The following CFAP418 variants were observed in gnomAD, a reference collection of about 807,000 sequenced individuals.
CFAP418 encodes the protein cilia- and flagella-associated protein 418.
CFAP418 carries 27 observed loss-of-function variants against 24.7 expected under a neutral mutation model. The ratio of observed to expected loss-of-function variants is 1.09; its 90% CI spans 0.81 to 1.51. The LOEUF is 1.51. CFAP418 is among the 40% of genes most tolerant of loss of function. The pLI, the probability that CFAP418 is intolerant of heterozygous loss-of-function variation, is 0.00. For synonymous variants in CFAP418, 74 were observed against 87.3 expected, an observed-to-expected ratio of 0.85 and a Z score of 0.85; for missense variants, 257 against 255.2, an observed-to-expected ratio of 1.01 and a Z score of -0.05.
rs1587347601 is a variant in CFAP418, at chr8:95,247,709, C to T, written c.532G>A (p.Ala178Thr). 6.2e-7 allele frequency: 1 copy of T among 1,613,844 alleles called. No homozygotes were observed. Among genetic ancestry groups the T allele is most frequent in the South Asian group, 1.1e-5 (1 of 91,024 alleles). ...AKLIKKKGTRAYACQCSWRTI... is the reference protein window; with the variant it reads ...AKLIKKKGTRTYACQCSWRTI... ...CTCCAGCTACACTGGCAGGCATATG[C>T]CCGTGTTCCTTTCTTCTTTATCAAC... Residue 178 changes from alanine to threonine, a missense_variant, in exon 6 of 6, where the codon GCA becomes ACA. Physicochemically the swap from Ala to Thr is moderately conservative, Grantham distance 58 (BLOSUM62 0). Coordinates refer to ENST00000286688, the MANE Select transcript of CFAP418 (RefSeq NM_177965.4).
intron 2 of CFAP418, among the ~76,000 whole-genome samples, chr8:95,261,251 G>C (rs1811885487): frequency 6.6e-6 from 1 of 152,174 alleles, no homozygotes; most frequent in African/African-American, 2.4e-5. Flanking sequence ...TAGTGGGTGA[G>C]GAAATTTAAT....
chr8:95,260,037 G>T, intron 3 of CFAP418, 132 bp from the exon 4 acceptor site: 1 of 640,994 alleles, frequency 1.6e-6, no homozygotes, highest in Non-Finnish European at 2.7e-6. Flanking sequence ...ATTTTCCCTA[G>T]CAAGCCAACC....
intron 1 of CFAP418, chr8:95,268,720 TGAA>T (rs1193427356): frequency 2.9e-5 from 5 of 174,504 alleles, no homozygotes; most frequent in African/African-American, 5.2e-5. Flanking sequence ...AGAAACAGGA[TGAA>T]GGAGACTGGC....
Position 95,245,978 on chromosome 8 carries a change from A to G in CFAP418, c.*1639T>C, listed in dbSNP as rs778569217. On this transcript the variant is annotated 3_prime_UTR_variant, in exon 6 of 6. Transcript: ENST00000286688. ...TAATACATTTTTATTAAAAGATAAA[A>G]TCTGTCATAATGTCTTTTTTTTTTT... 7.9e-5 allele frequency: 12 copies of G among 151,384 alleles called. No homozygotes were observed. Among genetic ancestry groups the G allele is most frequent in the Non-Finnish European group, 1.3e-4 (9 of 67,940 alleles). The allele number at this position is 151,384 out of a possible 1,614,324, so 9.4% of individuals were successfully genotyped here. A position where few individuals can be genotyped will look rare whatever the true frequency, so the allele number is the denominator to read the frequency against.
intron 2 of CFAP418, among the ~76,000 whole-genome samples, chr8:95,261,223 A>G (rs1811884563): frequency 2.0e-5 from 3 of 152,244 alleles, no homozygotes; most frequent in Admixed American, 2.0e-4. Flanking sequence ...CTATGCAGAG[A>G]CATGCCTTCA....
intron 4 of CFAP418, among the ~76,000 whole-genome samples, chr8:95,258,583 T>G (rs1362489623): frequency 2.0e-5 from 3 of 152,086 alleles, no homozygotes; most frequent in Non-Finnish European, 4.4e-5. Flanking sequence ...TAAAGACATT[T>G]AAAAGTAAAC....
At chr8:95,264,319 C>A (rs530161057) in intron 1 of CFAP418, among the ~76,000 whole-genome samples, 23 of 152,248 alleles carry the variant, frequency 1.5e-4, no homozygotes, top group Non-Finnish European at 3.1e-4. Context: ...AAAGCCATCA[C>A]TGGATTATTA....
At chr8:95,254,573 T>C (rs752995443) in intron 4 of CFAP418, among the ~76,000 whole-genome samples, 62 of 152,210 alleles carry the variant, frequency 4.1e-4, no homozygotes, top group Non-Finnish European at 1.0e-4. Context: ...AGAGCTTTGT[T>C]CTTTTGTCCA....
chr8:95,262,146 A>G (rs1587356393), intron 2 of CFAP418, among the ~76,000 whole-genome samples: 2 of 152,284 alleles, frequency 1.3e-5, no homozygotes, highest in Admixed American at 6.5e-5. Flanking sequence ...AACTTTTCAT[A>G]AGGTGGGTTC....
chr8:95,268,846 T>C (rs1042741646), intron 1 of CFAP418, 189 bp downstream of exon 1: 11 of 609,614 alleles, frequency 1.8e-5, no homozygotes, highest in Non-Finnish European at 3.1e-5. Context: ...AGTGAAGAGG[T>C]GCCAGAATCC....
chr8:95,246,032 A>T lies in CFAP418; in HGVS notation c.*1585T>A, dbSNP rs1291316141. On this transcript the variant is annotated 3_prime_UTR_variant, in exon 6 of 6. Coordinates refer to ENST00000286688, the MANE Select transcript of CFAP418 (RefSeq NM_177965.4). ...GAGACAGAGTCTCACTGTGTTGTCCAGGCTGGAGCGCAGTGGCGCGACCTT... is the reference window on the plus strand; with the variant it reads ...GAGACAGAGTCTCACTGTGTTGTCCTGGCTGGAGCGCAGTGGCGCGACCTT... The T allele has an allele frequency of 1.3e-5, 2 of 150,964 alleles. No homozygotes were observed. Among genetic ancestry groups the T allele is most frequent in the African/African-American group, 2.4e-5 (1 of 40,914 alleles). 9.4% of individuals were successfully genotyped at this position (150,964 alleles called of 1,614,324 possible).
At position 95,247,677 on chromosome 8, in the gene CFAP418, A is replaced by C; in HGVS notation, c.564T>G (p.Ile188Met). The C allele has an allele frequency of 2.5e-6, 4 of 1,614,186 alleles. No homozygotes were observed. Among genetic ancestry groups the C allele is most frequent in the Non-Finnish European group, 3.4e-6 (4 of 1,180,010 alleles). ...CTGTCTGAAGGTCAGTCACTTCTTC[A>C]ATAGTTCTCCAGCTACACTGGCAGG... ...AYACQCSWRT[I>M]EEVTDLQTDH... Residue 188 changes from isoleucine (I) to methionine (M), a missense_variant, in exon 6 of 6, where the codon ATT (isoleucine) becomes ATG (methionine). Coordinates refer to ENST00000286688, the MANE Select transcript of CFAP418 (RefSeq NM_177965.4).
At chr8:95,261,582 A>T (rs916318632) in intron 2 of CFAP418, among the ~76,000 whole-genome samples, 3 of 152,104 alleles carry the variant, frequency 2.0e-5, no homozygotes, top group Admixed American at 1.3e-4. Flanking sequence ...GGCATAGACT[A>T]TCTGTTTATC....
At position 95,269,126 on chromosome 8, in the gene CFAP418, G is replaced by A; in HGVS notation, c.64C>T (p.Leu22=). 6.2e-7 allele frequency: 1 copy of A among 1,614,238 alleles called. No individual in the cohort carries two copies. The highest frequency in any genetic ancestry group is 1.7e-5 in the Admixed American group (1 of 60,032). ...GGCTGCTCGACCATACCCCGTCTTA[G>A]AAGGTCAGGTGTGCAAAACTTGGAC... ...VESKFCTPDL[L]RRGMVEQPKG... The change falls in exon 1 of 6, where the codon CTA becomes TTA. Residue 22 remains leucine, a synonymous_variant. Coordinates refer to ENST00000286688, the MANE Select transcript of CFAP418 (RefSeq NM_177965.4).
chr8:95,259,360 G>A (rs999805857), intron 4 of CFAP418, among the ~76,000 whole-genome samples: 4 of 152,182 alleles, frequency 2.6e-5, no homozygotes, highest in African/African-American at 9.7e-5. Flanking sequence ...AGAAAGTGGA[G>A]GCAGGAAGGG....
chr8:95,258,610 T>C (rs1811834221), intron 4 of CFAP418, among the ~76,000 whole-genome samples: 2 of 152,150 alleles, frequency 1.3e-5, no homozygotes, highest in Admixed American at 1.3e-4. Context: ...TAGCCTAAGC[T>C]ACAGTGTTTA....
rs187155619 is a variant in CFAP418 at position 95,258,368 on chromosome 8, C to T, written c.374+1472G>A. Among the ~76,000 whole-genome samples, 54 of 113,194 alleles carry T rather than the reference C, an allele frequency of 4.8e-4. No individual in the cohort carries two copies. The East Asian group carries it at 9.9e-3, about 21-fold the overall frequency. 74.3% of individuals were successfully genotyped at this position (113,194 alleles called of 152,430 possible). The stretch of plus-strand genomic sequence containing the variant: ...CTGCACTCCAGCCTGGGCGACAGAG[C>T]GAGACTCTGTCTCAAAAAAAAAAAA... On this transcript the variant is annotated intron_variant, in intron 4 of 5. Transcript: ENST00000286688.
chr8:95,254,848 A>C (rs182499886), intron 4 of CFAP418, among the ~76,000 whole-genome samples: 9 of 152,342 alleles, frequency 5.9e-5, no homozygotes, highest in African/African-American at 1.9e-4. Context: ...TCAAGTAACC[A>C]ATCTGGATCC....
At chr8:95,262,628 C>A (rs1563473985) in intron 2 of CFAP418, among the ~76,000 whole-genome samples, 1 of 152,098 alleles carries the variant, frequency 6.6e-6, no homozygotes, top group Non-Finnish European at 1.5e-5. Flanking sequence ...CATATACTGC[C>A]CAGTATGAAA....
Sources: allele counts gnomAD v4.1 joint callset (sites outside exome capture counted in the v4.1 genomes callset), GRCh38; gene constraint gnomAD v4.1.1; transcripts MANE v1.5; gene names NCBI Gene and HGNC (gene_info 2026-07-23, HGNC 2026-07-21).